Variants in CNTNAP5 observed in about 807,000 individuals in gnomAD.
CNTNAP5 encodes the protein contactin-associated protein-like 5.
A neutral mutation model predicts 150.2 loss-of-function variants in CNTNAP5; 72 were observed. That is an observed-to-expected ratio of 0.48 (90% CI 0.40 to 0.58). The LOEUF (loss-of-function observed/expected upper bound fraction) is 0.58. CNTNAP5 is among the 20% of genes least tolerant of loss of function. The probability of loss-of-function intolerance (pLI) is 0.00; values close to 1 mark genes in which losing one functional copy is unlikely to be tolerated. For missense variants in CNTNAP5, 1,636 were observed against 1,626.2 expected, an observed-to-expected ratio of 1.01 and a Z score of -0.10; for synonymous variants, 672 against 619.8, an observed-to-expected ratio of 1.08 and a Z score of -1.25.
intron 13 of CNTNAP5, among the ~76,000 whole-genome samples, chr2:124,671,373 G>A (rs1418443613): frequency 6.6e-6 from 1 of 152,200 alleles, no homozygotes; most frequent in African/African-American, 2.4e-5. Context: ...TGAGCTGAGT[G>A]ACATTATAGC....
At chr2:124,224,109 G>C (rs1686398467) in intron 2 of CNTNAP5, among the ~76,000 whole-genome samples, 3 of 151,984 alleles carry the variant, frequency 2.0e-5, no homozygotes, top group African/African-American at 7.2e-5. Context: ...TGAATTAATT[G>C]TCTTGGATGG....
At chr2:124,152,294 A>G (rs1197654176) in intron 1 of CNTNAP5, among the ~76,000 whole-genome samples, 1 of 152,204 alleles carries the variant, frequency 6.6e-6, no homozygotes, top group Non-Finnish European at 1.5e-5. Flanking sequence ...AATGCATACT[A>G]TATGCTAGGC....
intron 1 of CNTNAP5, among the ~76,000 whole-genome samples, chr2:124,047,743 CAG>C (rs775866365): frequency 1.5e-4 from 23 of 152,192 alleles, no homozygotes; most frequent in Non-Finnish European, 3.1e-4. Flanking sequence ...ACTCCTTACT[CAG>C]CCCTCCTCTC....
At chr2:124,201,067 G>A (rs955989169) in intron 1 of CNTNAP5, among the ~76,000 whole-genome samples, 3 of 152,246 alleles carry the variant, frequency 2.0e-5, no homozygotes, top group African/African-American at 4.8e-5. Context: ...CCCATCACAA[G>A]TGCTAAGAGT....
Position 124,124,431 on chromosome 2 carries a change from G to A in CNTNAP5, c.83-97274G>A, listed in dbSNP as rs561794661. On this transcript the variant is annotated intron_variant, in intron 1 of 23. Coordinates refer to ENST00000682447, the MANE Select transcript of CNTNAP5 (RefSeq NM_001367498.1). ...GACTATGTGAAAAGACCAAATCTACGTCTGATTGGTGTACCTAAAAGAGAC... is the reference window on the plus strand; with the variant it reads ...GACTATGTGAAAAGACCAAATCTACATCTGATTGGTGTACCTAAAAGAGAC... Among the ~76,000 whole-genome samples, 115 of 152,306 alleles carry A rather than the reference G, an allele frequency of 7.6e-4. 1 individual carries two copies. The highest frequency in any genetic ancestry group is 8.3e-4 in the South Asian group (4 of 4,830).
intron 21 of CNTNAP5, among the ~76,000 whole-genome samples, chr2:124,874,639 T>G (rs1677817333): frequency 6.6e-6 from 1 of 152,072 alleles, no homozygotes; most frequent in Non-Finnish European, 1.5e-5. Context: ...TAAGTTATTA[T>G]TATTATCTCT....
At chr2:124,220,145 TA>T (rs926395616) in intron 1 of CNTNAP5, among the ~76,000 whole-genome samples, 63 of 147,132 alleles carry the variant, frequency 4.3e-4, no homozygotes, top group East Asian at 1.4e-3. Flanking sequence ...AAATGTTCTT[TA>T]AAAAAAAAAA....
rs1253588334 is a variant in CNTNAP5 at position 124,730,090 on chromosome 2, G to A, written c.2078-17139G>A. On this transcript the variant is annotated intron_variant, in intron 13 of 23. Coordinates refer to ENST00000682447, the MANE Select transcript of CNTNAP5 (RefSeq NM_001367498.1). ...ATTTCCAATCACTTAGCTTTTTCTC[G>A]TGATAGCAACAAAATGACTTCTTGA... is the stretch of plus-strand genomic sequence containing the variant. 1.2e-4 allele frequency among the ~76,000 whole-genome samples: 18 copies of A among 151,956 alleles called. 1 individual carries two copies. Among genetic ancestry groups the A allele is most frequent in the Non-Finnish European group, 2.5e-4 (17 of 67,982 alleles).
At chr2:124,696,073 A>C (rs1443464133) in intron 13 of CNTNAP5, among the ~76,000 whole-genome samples, 3 of 152,098 alleles carry the variant, frequency 2.0e-5, no homozygotes, top group Admixed American at 2.0e-4. Flanking sequence ...GATTCAAATA[A>C]ATAAAAAATA....
intron 3 of CNTNAP5, among the ~76,000 whole-genome samples, chr2:124,297,845 T>TATC (rs1293895662): frequency 2.1e-3 from 250 of 119,548 alleles, no homozygotes; most frequent in African/African-American, 7.1e-3. Context: ...TTATTATTAT[T>TATC]ATTATTATTA....
intron 1 of CNTNAP5, among the ~76,000 whole-genome samples, chr2:124,123,792 G>A (rs1683623651): frequency 6.6e-6 from 1 of 152,180 alleles, no homozygotes; most frequent in South Asian, 2.1e-4. Flanking sequence ...CAGGCAAATA[G>A]TGTCTGGAGT....
At chr2:124,271,461 G>A (rs1687749626) in intron 3 of CNTNAP5, among the ~76,000 whole-genome samples, 1 of 152,038 alleles carries the variant, frequency 6.6e-6, no homozygotes, top group African/African-American at 2.4e-5. Flanking sequence ...TGGCCTCTGG[G>A]TAACGATGTA....
intron 14 of CNTNAP5, among the ~76,000 whole-genome samples, chr2:124,753,551 G>T (rs965292929): frequency 1.3e-5 from 2 of 152,092 alleles, no homozygotes; most frequent in Admixed American, 1.3e-4. Context: ...TTTTCTTCTG[G>T]CTATCAAAAG....
chr2:124,786,426 G>A (rs13024419), intron 17 of CNTNAP5, among the ~76,000 whole-genome samples: 17 of 103,552 alleles, frequency 1.6e-4, no homozygotes, highest in African/African-American at 5.0e-4. Context: ...AAGGAAGGAA[G>A]GAAGGAAGGA....
chr2:124,032,415 T>G (rs1681080226), intron 1 of CNTNAP5, among the ~76,000 whole-genome samples: 1 of 152,114 alleles, frequency 6.6e-6, no homozygotes, highest in South Asian at 2.1e-4. Flanking sequence ...ATAGTCAGAT[T>G]TTTTTGCTTT....
At chr2:124,522,329 T>C (rs1214709287) in intron 8 of CNTNAP5, among the ~76,000 whole-genome samples, 1 of 152,204 alleles carries the variant, frequency 6.6e-6, no homozygotes, top group African/African-American at 2.4e-5. Context: ...CATCACTTAC[T>C]TTGCATTTTC....
chr2:124,335,846 T>C lies in CNTNAP5; in HGVS notation c.382-81597T>C, dbSNP rs1413129021. ...GCCAACTATGCCGGATTTGCAGGGGTGAAAAACAAAACAAAACAAAACACC... is the reference window on the plus strand; with the variant it reads ...GCCAACTATGCCGGATTTGCAGGGGCGAAAAACAAAACAAAACAAAACACC... On this transcript the variant is annotated intron_variant, in intron 3 of 23. Transcript: ENST00000682447. Among the ~76,000 whole-genome samples, 3 of 151,656 alleles carry C rather than the reference T, an allele frequency of 2.0e-5. No homozygotes were observed. In the South Asian group the frequency reaches 6.2e-4, roughly 32 times the overall value.
chr2:124,560,535 A>AC (rs1304138586), intron 10 of CNTNAP5, among the ~76,000 whole-genome samples: 1 of 151,322 alleles, frequency 6.6e-6, no homozygotes, highest in East Asian at 1.9e-4. Flanking sequence ...AAAAAAAAAA[A>AC]ACTAAAGTGC....
At chr2:124,885,620 T>C (rs555968874) in intron 21 of CNTNAP5, among the ~76,000 whole-genome samples, 8 of 150,740 alleles carry the variant, frequency 5.3e-5, no homozygotes, top group African/African-American at 2.0e-4. Context: ...TCACATCTCA[T>C]CTTCACCCCT....
Sources: allele counts gnomAD v4.1 joint callset (sites outside exome capture counted in the v4.1 genomes callset), GRCh38; gene constraint gnomAD v4.1.1; transcripts MANE v1.5; gene names NCBI Gene and HGNC (gene_info 2026-07-23, HGNC 2026-07-21).